PALM3: variants seen among roughly 807,000 people sequenced by gnomAD.
PALM3 encodes paralemmin-3.
A neutral mutation model predicts 27.9 loss-of-function variants in PALM3; 20 were observed. The ratio of observed to expected loss-of-function variants is 0.72; its 90% CI spans 0.50 to 1.04. The LOEUF (loss-of-function observed/expected upper bound fraction) is 1.04, where lower values mean the gene tolerates loss of function less well. Ranked by LOEUF, PALM3 falls within the 50% of genes least tolerant of loss-of-function variation. The probability of loss-of-function intolerance (pLI) is 0.00; values close to 1 mark genes in which losing one functional copy is unlikely to be tolerated. For missense variants in PALM3, 814 were observed against 869.4 expected, an observed-to-expected ratio of 0.94 and a Z score of 0.80; for synonymous variants, 328 against 352.7, an observed-to-expected ratio of 0.93 and a Z score of 0.79.
At chr19:14,058,447 G>A (rs966135980) in intron 2 of PALM3, among the ~76,000 whole-genome samples, 1 of 149,664 alleles carries the variant, frequency 6.7e-6, no homozygotes, top group Non-Finnish European at 1.5e-5. Context: ...AGCCATGGGG[G>A]TCCGGAGAGA....
Position 14,056,818 on chromosome 19 carries a change from G to C in PALM3, c.172-14C>G, listed in dbSNP as rs1370223506. ...GAGAGACTTCCTCTGGGCAGGGGAA[G>C]GGAGTTGGGGCTGGGCATACAGACT... On this transcript the variant is annotated splice_polypyrimidine_tract_variant and intron_variant, in intron 3 of 6. Coordinates refer to ENST00000669674, the MANE Select transcript of PALM3 (RefSeq NM_001145028.2). 1 of 1,538,162 alleles carries C rather than the reference G, an allele frequency of 6.5e-7. No individual in the cohort carries two copies. Among genetic ancestry groups the C allele is most frequent in the African/African-American group, 1.4e-5 (1 of 72,970 alleles).
intron 1 of PALM3, among the ~76,000 whole-genome samples, chr19:14,059,367 C>T (rs958500604): frequency 1.3e-5 from 2 of 151,990 alleles, no homozygotes; most frequent in Admixed American, 1.3e-4. Context: ...CTAAAGCCCT[C>T]CCTAAATCTG....
intron 5 of PALM3, among the ~76,000 whole-genome samples, chr19:14,055,931 C>T (rs1004930976): frequency 2.6e-5 from 4 of 151,106 alleles, no homozygotes; most frequent in African/African-American, 7.3e-5. Flanking sequence ...TTGTTTGAGA[C>T]AGAGTCTCAC....
intron 5 of PALM3, among the ~76,000 whole-genome samples, chr19:14,055,646 T>C (rs1342047593): frequency 6.6e-6 from 1 of 152,206 alleles, no homozygotes; most frequent in African/African-American, 2.4e-5. Context: ...TGCATTCCCA[T>C]AGCCAATCTG....
At position 14,059,118 on chromosome 19, in the gene PALM3, G is replaced by A; in HGVS notation, c.87C>T (p.Ile29=). ...GCGCGGGGAGGGCGTCACTTACAGCGATGACTTCTAGCCGCTGCCGGTAGA... is the reference window on the plus strand; with the variant it reads ...GCGCGGGGAGGGCGTCACTTACAGCAATGACTTCTAGCCGCTGCCGGTAGA... ...SSLYRQRLEV[I]AEKRRLQEEI... The change falls in exon 2 of 7, where the codon ATC becomes ATT. Residue 29 remains isoleucine, a synonymous_variant. Transcript: ENST00000669674. 1 of 1,449,848 alleles carries A rather than the reference G, an allele frequency of 6.9e-7. No homozygotes were observed. Among genetic ancestry groups the A allele is most frequent in the Non-Finnish European group, 9.1e-7 (1 of 1,102,050 alleles). The allele number at this position is 1,449,848 out of a possible 1,614,324, so 89.8% of individuals were successfully genotyped here.
rs1976316319 is a variant in PALM3 at position 14,056,940 on chromosome 19, T to C, written c.172-136A>G. On this transcript the variant is annotated intron_variant, in intron 3 of 6. Coordinates refer to ENST00000669674, the MANE Select transcript of PALM3 (RefSeq NM_001145028.2). ...AGTTGCGACATACATCAGGCTGGGA[T>C]ACATGGCCACAGTGCCCCCCAACGC... is the stretch of plus-strand genomic sequence containing the variant. 19 of 922,008 alleles carry C rather than the reference T, an allele frequency of 2.1e-5. No individual in the cohort carries two copies. The South Asian group carries it at 3.0e-4, about 15-fold the overall frequency. 57.1% of individuals were successfully genotyped at this position (922,008 alleles called of 1,614,324 possible).
At position 14,054,666 on chromosome 19, in the gene PALM3, C is replaced by T. The variant is rs941401733; in HGVS notation, c.1006G>A (p.Val336Met). The T allele has an allele frequency of 6.4e-7, 1 of 1,551,336 alleles. No individual in the cohort carries two copies. Reference sequence around the variant, plus strand: ...TCACCCTCAGGGCTGCCCTGGGGCACATCTTCCCCTTCTATGGAAGCTGCT... The same window carrying T: ...TCACCCTCAGGGCTGCCCTGGGGCATATCTTCCCCTTCTATGGAAGCTGCT... The part of the protein sequence containing the change: ...EAAASIEGED[V>M]PQGSPEGDGQ... Residue 336 changes from valine (V) to methionine (M), a missense_variant, in exon 7 of 7, where the codon GTG becomes ATG. Transcript: ENST00000669674.
At position 14,059,095 on chromosome 19, in the gene PALM3, G is replaced by C; in HGVS notation, c.90+20C>G. On this transcript the variant is annotated intron_variant, in intron 2 of 6. Coordinates refer to ENST00000669674, the MANE Select transcript of PALM3 (RefSeq NM_001145028.2). ...TGGAAAGTTTGGGGGTGCCCAGGGC[G>C]CGGGGAGGGCGTCACTTACAGCGAT... 2 of 1,454,236 alleles carry C rather than the reference G, an allele frequency of 1.4e-6. No individual in the cohort carries two copies. Among genetic ancestry groups the C allele is most frequent in the Non-Finnish European group, 1.8e-6 (2 of 1,103,460 alleles). The allele number at this position is 1,454,236 out of a possible 1,614,324, so 90.1% of individuals were successfully genotyped here. A position where few individuals can be genotyped will look rare whatever the true frequency, so the allele number is the denominator to read the frequency against.
At chr19:14,059,719 A>G (rs2145706967) in intron 1 of PALM3, among the ~76,000 whole-genome samples, 1 of 151,912 alleles carries the variant, frequency 6.6e-6, no homozygotes, top group Admixed American at 6.6e-5. Context: ...AGAATTTCTC[A>G]AGCGCTGGGG....
intron 2 of PALM3, among the ~76,000 whole-genome samples, chr19:14,057,867 G>A (rs1215174134): frequency 1.3e-5 from 2 of 152,180 alleles, no homozygotes; most frequent in African/African-American, 4.8e-5. Context: ...CAGGACTTTG[G>A]GAGACCGAGG....
chr19:14,055,190 G>T lies in PALM3; in HGVS notation c.482C>A (p.Ala161Asp). The T allele has an allele frequency of 6.5e-7, 1 of 1,540,656 alleles. No individual in the cohort carries two copies. The highest frequency in any genetic ancestry group is 8.8e-7 in the Non-Finnish European group (1 of 1,142,128). Residue 161 changes from alanine (A) to aspartate (D), a missense_variant, in exon 7 of 7, where the codon GCT becomes GAT. Physicochemically the swap from Ala to Asp is moderately radical, Grantham distance 126 (BLOSUM62 -2). Coordinates refer to ENST00000669674, the MANE Select transcript of PALM3 (RefSeq NM_001145028.2). ...CTCTGGAGGCGTGCCCACTAGTCCA[G>T]CCGGCAGGGAGGCTCTCTTGTTCAG... The part of the protein sequence containing the change: ...TDLNKRASLP[A>D]GLVGTPPESP...
rs1050322561 is a variant in PALM3, at chr19:14,053,559, G to T, written c.*46C>A. 2 of 1,432,928 alleles carry T rather than the reference G, an allele frequency of 1.4e-6. No individual in the cohort carries two copies. The highest frequency in any genetic ancestry group is 1.6e-5 in the South Asian group (1 of 63,190). 88.8% of individuals were successfully genotyped at this position (1,432,928 alleles called of 1,614,324 possible). A position where few individuals can be genotyped will look rare whatever the true frequency, so the allele number is the denominator to read the frequency against. ...ACCCTCTTCTGGGTGCCAAGAGGCCGAGGTAGCTGTGAGAGGAGCTGGACA... is the reference window on the plus strand; with the variant it reads ...ACCCTCTTCTGGGTGCCAAGAGGCCTAGGTAGCTGTGAGAGGAGCTGGACA... On this transcript the variant is annotated 3_prime_UTR_variant, in exon 7 of 7. Transcript: ENST00000669674.
rs770902168 is a variant in PALM3, at chr19:14,054,056, T to A, written c.1616A>T (p.Glu539Val). ...TTGGGTCTTCTCTGTCTCCAATGAT[T>A]CCTCACCTCCCCTTTTCTCTGCCTC... ...TLEAEKRGGE[E>V]SLETEKTQGT... The change falls in exon 7 of 7, where the codon GAA becomes GTA. Residue 539 changes from glutamate to valine, a missense_variant. Glu to Val is a moderately radical substitution (Grantham distance 121). Transcript: ENST00000669674. 7.1e-6 allele frequency: 11 copies of A among 1,551,696 alleles called. No individual in the cohort carries two copies. The highest frequency in any genetic ancestry group is 8.7e-6 in the Non-Finnish European group (10 of 1,146,960).
rs947229108 is a variant in PALM3 at position 14,056,419 on chromosome 19, C to A, written c.399+10G>T. 1.3e-6 allele frequency: 2 copies of A among 1,546,268 alleles called. No individual in the cohort carries two copies. Among genetic ancestry groups the A allele is most frequent in the Non-Finnish European group, 1.8e-6 (2 of 1,142,562 alleles). On this transcript the variant is annotated intron_variant, in intron 5 of 6. Coordinates refer to ENST00000669674, the MANE Select transcript of PALM3 (RefSeq NM_001145028.2). The stretch of plus-strand genomic sequence containing the variant: ...GCCCTCCCATCCCACTCCCCTGATT[C>A]CCCCCTCACCTGTCTGCGCCAGCTG...
chr19:14,058,018 G>C (rs1222928469), intron 2 of PALM3, among the ~76,000 whole-genome samples: 1 of 152,204 alleles, frequency 6.6e-6, no homozygotes, highest in Non-Finnish European at 1.5e-5. Flanking sequence ...TGAGGCGGGA[G>C]AATCTCTTGA....
rs946265081 is a variant in PALM3 at position 14,055,112 on chromosome 19, T to C, written c.560A>G (p.Gln187Arg). ...DVLGFLPGPR[Q>R]VPGAAGDSSE... ...GGAGTCTCCTGCTGCCCCGGGGACC[T>C]GCCTCGGGCCTGGCAGAAACCCCAA... The change falls in exon 7 of 7, where the codon CAG becomes CGG. Residue 187 changes from glutamine (Q) to arginine (R), a missense_variant. By Grantham distance (43) the Gln-to-Arg change is conservative. Transcript: ENST00000669674. 48 of 1,551,468 alleles carry C rather than the reference T, an allele frequency of 3.1e-5. No individual in the cohort carries two copies. The highest frequency in any genetic ancestry group is 5.2e-6 in the Non-Finnish European group (6 of 1,146,988).
intron 5 of PALM3, 69 bp from the exon 6 acceptor site, chr19:14,055,494 C>A: frequency 2.0e-6 from 3 of 1,498,782 alleles, no homozygotes; most frequent in Non-Finnish European, 2.7e-6. Context: ...GCATGCTAGG[C>A]TCCCACCCCA....
Position 14,059,112 on chromosome 19 carries a change from T to G in PALM3, c.90+3A>C. The G allele has an allele frequency of 6.9e-7, 1 of 1,450,738 alleles. No individual in the cohort carries two copies. The highest frequency in any genetic ancestry group is 9.1e-7 in the Non-Finnish European group (1 of 1,102,350). The allele number at this position is 1,450,738 out of a possible 1,614,324, so 89.9% of individuals were successfully genotyped here. ...CCCAGGGCGCGGGGAGGGCGTCACT[T>G]ACAGCGATGACTTCTAGCCGCTGCC... On this transcript the variant is annotated splice_donor_region_variant and intron_variant, in intron 2 of 6. Coordinates refer to ENST00000669674, the MANE Select transcript of PALM3 (RefSeq NM_001145028.2).
chr19:14,054,879 C>G lies in PALM3; in HGVS notation c.793G>C (p.Glu265Gln). Residue 265 changes from glutamate (E) to glutamine (Q), a missense_variant, in exon 7 of 7, where the codon GAA becomes CAA. Transcript: ENST00000669674. ...LEAKVEEVVL[E>Q]AIGDRKGAGS... ...GCTCCCTTCCTGTCTCCGATGGCTT[C>G]CAGCACCACTTCCTCCACCTTAGCC... is the stretch of plus-strand genomic sequence containing the variant. 2 of 1,549,374 alleles carry G rather than the reference C, an allele frequency of 1.3e-6. No homozygotes were observed. The highest frequency in any genetic ancestry group is 8.7e-7 in the Non-Finnish European group (1 of 1,146,812).
Sources: gnomAD v4.1 joint callset for allele counts (sites outside exome capture counted in the v4.1 genomes callset) on GRCh38, gnomAD v4.1.1 for gene constraint, MANE v1.5 for transcripts, NCBI Gene and HGNC (gene_info 2026-07-23, HGNC 2026-07-21) for gene names.